Variants in RAB43 observed in about 807,000 individuals in gnomAD.
The protein encoded by RAB43 is ras-related protein Rab-43.
A neutral mutation model predicts 18.8 loss-of-function variants in RAB43; 6 were observed. The observed-to-expected ratio is 0.32, with a 90% CI of 0.17 to 0.63. RAB43 has a LOEUF of 0.63. Ranked by LOEUF, RAB43 falls within the 30% of genes least tolerant of loss-of-function variation. The pLI, the probability that RAB43 is intolerant of heterozygous loss-of-function variation, is 0.79. For missense variants in RAB43, 195 were observed against 289.1 expected, an observed-to-expected ratio of 0.67 and a Z score of 2.36; for synonymous variants, 103 against 124.1, an observed-to-expected ratio of 0.83 and a Z score of 1.13.
chr3:129,117,033 AT>A lies in RAB43; in HGVS notation c.204+4252del, dbSNP rs973427755. 5.3e-5 allele frequency among the ~76,000 whole-genome samples: 8 copies of A among 151,946 alleles called. No homozygotes were observed. The East Asian group carries it at 9.6e-4, about 18-fold the overall frequency. Reference sequence around the variant, plus strand: ...AAACAGTAACTGCAGCAATAAAAAAATATATATTTATAAATCCTTGTTTTTA... The same window carrying A: ...AAACAGTAACTGCAGCAATAAAAAAAATATATTTATAAATCCTTGTTTTTA... On this transcript the variant is annotated intron_variant, in intron 1 of 2. Transcript: ENST00000315150.
chr3:129,103,541 C>A (rs1934564627), intron 1 of RAB43, among the ~76,000 whole-genome samples: 2 of 151,874 alleles, frequency 1.3e-5, no homozygotes, highest in Admixed American at 1.3e-4. Flanking sequence ...GCCCATGTGA[C>A]TGGCCTCCTC....
intron 1 of RAB43, among the ~76,000 whole-genome samples, chr3:129,106,232 C>G (rs995580333): frequency 6.6e-6 from 1 of 152,174 alleles, no homozygotes; most frequent in Non-Finnish European, 1.5e-5. Context: ...TCCTGAGTAA[C>G]GAAGCAGGCA....
Position 129,110,665 on chromosome 3 carries a change from CG to C in RAB43, c.204+10620del, listed in dbSNP as rs143039548. ...GATCCTGACTAACATGGTGAAACCC[CG>C]TCTCTATTAAAAATGCCAGGGGTTG... On this transcript the variant is annotated intron_variant, in intron 1 of 2. Coordinates refer to ENST00000315150, the MANE Select transcript of RAB43 (RefSeq NM_198490.3). Among the ~76,000 whole-genome samples, 1,266 of 152,142 alleles carry C rather than the reference CG, an allele frequency of 8.3e-3. 24 individuals carry two copies. The highest frequency in any genetic ancestry group is 0.029 in the African/African-American group (1,216 of 41,508).
At chr3:129,120,029 G>A (rs372208087) in intron 1 of RAB43, among the ~76,000 whole-genome samples, 3 of 152,222 alleles carry the variant, frequency 2.0e-5, no homozygotes, top group African/African-American at 7.2e-5. Flanking sequence ...GCTGCCTTCT[G>A]CACCTTGCTC....
At chr3:129,113,291 G>A (rs1474557963) in intron 1 of RAB43, among the ~76,000 whole-genome samples, 4 of 151,554 alleles carry the variant, frequency 2.6e-5, no homozygotes, top group Admixed American at 6.6e-5. Context: ...TCAGCCTCCC[G>A]AGTAGCTAGG....
In RAB43 at chr3:129,103,212, C is replaced by T. The variant is rs368102899; in HGVS notation, c.205-8043G>A. On this transcript the variant is annotated intron_variant, in intron 1 of 2. Coordinates refer to ENST00000315150, the MANE Select transcript of RAB43 (RefSeq NM_198490.3). Reference sequence around the variant, plus strand: ...GGGACACTTGGGCTCCAAGTCCCCACTGCATCTGCCCTAGCTGTGCCCTCC... The same window carrying T: ...GGGACACTTGGGCTCCAAGTCCCCATTGCATCTGCCCTAGCTGTGCCCTCC... Among the ~76,000 whole-genome samples, 8 of 152,330 alleles carry T rather than the reference C, an allele frequency of 5.3e-5. No homozygotes were observed. The East Asian group carries it at 1.2e-3, about 22-fold the overall frequency.
intron 1 of RAB43, among the ~76,000 whole-genome samples, chr3:129,110,164 G>GA (rs1051753040): frequency 2.6e-5 from 4 of 151,734 alleles, no homozygotes; most frequent in African/African-American, 9.7e-5. Context: ...TTCTTTAGGT[G>GA]AAAAAAACAG....
At chr3:129,114,165 G>A (rs1199647481) in intron 1 of RAB43, among the ~76,000 whole-genome samples, 2 of 152,126 alleles carry the variant, frequency 1.3e-5, no homozygotes, top group Non-Finnish European at 2.9e-5. Flanking sequence ...TGGCCATTCC[G>A]AACACTACCC....
chr3:129,102,466 T>C (rs540851615), intron 1 of RAB43, among the ~76,000 whole-genome samples: 1 of 151,852 alleles, frequency 6.6e-6, no homozygotes, highest in East Asian at 1.9e-4. Flanking sequence ...CCGTCTCTAC[T>C]AAAAATACAA....
chr3:129,105,081 A>C (rs1934676758), intron 1 of RAB43, among the ~76,000 whole-genome samples: 1 of 152,234 alleles, frequency 6.6e-6, no homozygotes, highest in African/African-American at 2.4e-5. Flanking sequence ...CATAAAAGGC[A>C]GTAAGGAGAC....
intron 2 of RAB43, chr3:129,092,459 G>A (rs1437436820): frequency 1.5e-6 from 1 of 686,294 alleles, no homozygotes; most frequent in South Asian, 1.5e-5. Context: ...GTACCTGGGG[G>A]CTCATTATTA....
At chr3:129,108,357 AG>A (rs1206228161) in intron 1 of RAB43, among the ~76,000 whole-genome samples, 30 of 152,358 alleles carry the variant, frequency 2.0e-4, no homozygotes, top group Admixed American at 1.9e-3. Context: ...GTGAAAGATG[AG>A]TACTTGTCAG....
chr3:129,109,276 G>A (rs1008881962), intron 1 of RAB43, among the ~76,000 whole-genome samples: 6 of 152,198 alleles, frequency 3.9e-5, no homozygotes, highest in Non-Finnish European at 5.9e-5. Flanking sequence ...CGGGCGTGGT[G>A]GCGGGTGCCT....
intron 1 of RAB43, among the ~76,000 whole-genome samples, chr3:129,119,584 C>G (rs1331682825): frequency 6.6e-6 from 1 of 152,236 alleles, no homozygotes; most frequent in Non-Finnish European, 1.5e-5. Flanking sequence ...TCAAGAAGGT[C>G]AGCGGCTATA....
At chr3:129,091,369 C>CA in intron 2 of RAB43, 23 bp from the exon 3 acceptor site, 3 of 1,599,006 alleles carry the variant, frequency 1.9e-6, no homozygotes, top group Non-Finnish European at 2.6e-6. Flanking sequence ...GCCGGGGCAG[C>CA]ATGAGGCCAT....
intron 1 of RAB43, among the ~76,000 whole-genome samples, chr3:129,109,945 G>C (rs1454866129): frequency 6.6e-6 from 1 of 151,518 alleles, no homozygotes; most frequent in African/African-American, 2.4e-5. Context: ...GCTCACTGCA[G>C]CCTCGACCTC....
intron 1 of RAB43, among the ~76,000 whole-genome samples, chr3:129,104,048 G>A (rs921090253): frequency 3.9e-5 from 6 of 152,198 alleles, no homozygotes; most frequent in Non-Finnish European, 8.8e-5. Context: ...TCTGCAATCT[G>A]CATAGCACCT....
Position 129,095,044 on chromosome 3 carries a change from A to C in RAB43, c.330T>G (p.Pro110=). 6.2e-7 allele frequency: 1 copy of C among 1,613,746 alleles called. No homozygotes were observed. Among genetic ancestry groups the C allele is most frequent in the Non-Finnish European group, 8.5e-7 (1 of 1,179,788 alleles). Residue 110 remains proline, a synonymous_variant, in exon 2 of 3, where the codon CCT becomes CCG. Coordinates refer to ENST00000315150, the MANE Select transcript of RAB43 (RefSeq NM_198490.3). The surrounding 1 kb of genome is among the most constrained non-coding windows in gnomAD (Gnocchi z 4.2). ...ITKRSSFLSV[P]HWIEDVRKYA... ...ACTTCCTCACATCCTCAATCCAGTGAGGCACCGACAGGAAGGAGCTCCTCT... is the reference window on the plus strand; with the variant it reads ...ACTTCCTCACATCCTCAATCCAGTGCGGCACCGACAGGAAGGAGCTCCTCT...
chr3:129,119,808 A>C (rs1031543943), intron 1 of RAB43, among the ~76,000 whole-genome samples: 1 of 152,100 alleles, frequency 6.6e-6, no homozygotes, highest in African/African-American at 2.4e-5. Flanking sequence ...CCCCTCCCTG[A>C]CCACCGTCAG....
Sources: allele counts gnomAD v4.1 joint callset (sites outside exome capture counted in the v4.1 genomes callset), GRCh38; gene constraint gnomAD v4.1.1; non-coding constraint Gnocchi (gnomAD v3.1); transcripts MANE v1.5; gene names NCBI Gene and HGNC (gene_info 2026-07-23, HGNC 2026-07-21).